Variants in KCNIP4 observed in about 807,000 individuals in gnomAD.
KCNIP4 encodes the protein Kv channel-interacting protein 4.
In KCNIP4, 12 loss-of-function variants were observed where a neutral mutation model predicts 34.0. The observed-to-expected ratio is 0.35, with a 90% CI of 0.23 to 0.57. KCNIP4 has a LOEUF of 0.57. Ranked by LOEUF, KCNIP4 falls within the 20% of genes least tolerant of loss-of-function variation. The pLI, the probability that KCNIP4 is intolerant of heterozygous loss-of-function variation, is 0.83. For synonymous variants in KCNIP4, 124 were observed against 102.2 expected (o/e 1.21, Z -1.29); for missense variants, 238 against 311.7 (o/e 0.76, Z 1.78).
intron 1 of KCNIP4, among the ~76,000 whole-genome samples, chr4:21,057,422 T>G (rs1003115597): frequency 6.6e-6 from 1 of 152,196 alleles, no homozygotes; most frequent in Admixed American, 6.6e-5. Context: ...GAAACCTTTG[T>G]TAGCCTAAAA....
chr4:20,979,589 A>G (rs1339155940), intron 1 of KCNIP4, among the ~76,000 whole-genome samples: 1 of 151,798 alleles, frequency 6.6e-6, no homozygotes, highest in Non-Finnish European at 1.5e-5. Context: ...TAGTAGAGAC[A>G]GGGTTTCACC....
chr4:21,935,376 A>G (rs577060784), intron 1 of KCNIP4, among the ~76,000 whole-genome samples: 1 of 151,996 alleles, frequency 6.6e-6, no homozygotes, highest in Admixed American at 6.6e-5. Context: ...ATGCCTACCC[A>G]CTACATAAAA....
chr4:21,479,812 T>C (rs1246658604), intron 1 of KCNIP4, among the ~76,000 whole-genome samples: 1 of 151,714 alleles, frequency 6.6e-6, no homozygotes, highest in Non-Finnish European at 1.5e-5. Context: ...ACTAGTAAAA[T>C]ATACAATAAA....
chr4:21,741,297 A>G (rs1449040519), intron 1 of KCNIP4, among the ~76,000 whole-genome samples: 1 of 152,184 alleles, frequency 6.6e-6, no homozygotes, highest in Non-Finnish European at 1.5e-5. Context: ...AAAGATAGAT[A>G]AACTCGAGAA....
chr4:21,555,923 A>G (rs1184909296), intron 1 of KCNIP4, among the ~76,000 whole-genome samples: 1 of 152,092 alleles, frequency 6.6e-6, no homozygotes, highest in Non-Finnish European at 1.5e-5. Context: ...ATGCTGTGCC[A>G]GCTGTGTCTG....
intron 1 of KCNIP4, among the ~76,000 whole-genome samples, chr4:21,380,876 T>C (rs1047785883): frequency 2.0e-5 from 3 of 151,598 alleles, no homozygotes; most frequent in Non-Finnish European, 2.9e-5. Context: ...GCTTGAAAAA[T>C]AGCCCATTTG....
At chr4:21,410,245 T>G (rs1372504747) in intron 1 of KCNIP4, among the ~76,000 whole-genome samples, 1 of 152,220 alleles carries the variant, frequency 6.6e-6, no homozygotes, top group Non-Finnish European at 1.5e-5. Context: ...GAAATTGTGA[T>G]TAAAGTTGTA....
At chr4:20,999,438 GTTTTT>G (rs56952036) in intron 1 of KCNIP4, among the ~76,000 whole-genome samples, 951 of 45,532 alleles carry the variant, frequency 0.021, 22 homozygotes, top group African/African-American at 0.08. Flanking sequence ...TTTGTTTTTT[GTTTTT>G]TTTTTTTTTT....
intron 1 of KCNIP4, among the ~76,000 whole-genome samples, chr4:21,041,230 TCACACACA>T (rs57664737): frequency 6.5e-4 from 94 of 144,754 alleles, no homozygotes; most frequent in African/African-American, 2.0e-3. Flanking sequence ...GATATATATT[TCACACACA>T]CACACACACA....
At position 20,917,466 on chromosome 4, in the gene KCNIP4, T is replaced by C. The variant is rs563465151; in HGVS notation, c.62-34757A>G. 2.0e-5 allele frequency among the ~76,000 whole-genome samples: 3 copies of C among 152,294 alleles called. No individual in the cohort carries two copies. The East Asian group carries it at 5.8e-4, about 30-fold the overall frequency. The stretch of plus-strand genomic sequence containing the variant: ...TAAACTGCTTCACCCTAAAATGGGA[T>C]AGCGAGCAAGACCAGACGTGGTCCT... On this transcript the variant is annotated intron_variant, in intron 1 of 8. Transcript: ENST00000382152.
At chr4:21,790,700 T>C (rs977305604) in intron 1 of KCNIP4, among the ~76,000 whole-genome samples, 5 of 152,126 alleles carry the variant, frequency 3.3e-5, no homozygotes, top group Admixed American at 6.5e-5. Flanking sequence ...TTCTGAAAGA[T>C]GCTTCAGCAT....
At chr4:21,792,000 CAAAAAAAAA>C (rs71193407) in intron 1 of KCNIP4, among the ~76,000 whole-genome samples, 8 of 59,752 alleles carry the variant, frequency 1.3e-4, no homozygotes, top group African/African-American at 5.3e-4. Flanking sequence ...GACTCCGTCT[CAAAAAAAAA>C]AAAAAAAAAA....
chr4:21,688,181 T>C (rs1191183318), intron 1 of KCNIP4, among the ~76,000 whole-genome samples: 2 of 152,142 alleles, frequency 1.3e-5, no homozygotes, highest in African/African-American at 4.8e-5. Flanking sequence ...GCTGGTTAAT[T>C]AAGTATTACC....
intron 5 of KCNIP4, among the ~76,000 whole-genome samples, chr4:20,744,875 T>C (rs765022637): frequency 7.9e-5 from 12 of 152,316 alleles, no homozygotes; most frequent in Middle Eastern, 3.4e-3. Flanking sequence ...CATTTGGTGC[T>C]CCATGATGTT....
At chr4:21,526,326 C>T (rs1206732578) in intron 1 of KCNIP4, among the ~76,000 whole-genome samples, 1 of 152,062 alleles carries the variant, frequency 6.6e-6, no homozygotes, top group Non-Finnish European at 1.5e-5. Flanking sequence ...TGCCTGCCGC[C>T]ATGTAAGATG....
chr4:20,983,592 TAG>T (rs895344593), intron 1 of KCNIP4, among the ~76,000 whole-genome samples: 74 of 152,274 alleles, frequency 4.9e-4, no homozygotes, highest in African/African-American at 1.6e-3. Flanking sequence ...TAAACCCAAG[TAG>T]ATTTCAAATA....
chr4:21,278,566 T>A (rs773310146), intron 1 of KCNIP4, among the ~76,000 whole-genome samples: 1 of 152,152 alleles, frequency 6.6e-6, no homozygotes, highest in Non-Finnish European at 1.5e-5. Flanking sequence ...GATGTATATG[T>A]AAAATAGCAG....
intron 1 of KCNIP4, among the ~76,000 whole-genome samples, chr4:21,825,943 G>A (rs1191730009): frequency 2.0e-5 from 3 of 152,038 alleles, no homozygotes; most frequent in Non-Finnish European, 4.4e-5. Flanking sequence ...GATGAGACCC[G>A]AATAAAAAGA....
At chr4:21,896,909 C>A (rs2109413046) in intron 1 of KCNIP4, among the ~76,000 whole-genome samples, 1 of 149,742 alleles carries the variant, frequency 6.7e-6, no homozygotes, top group East Asian at 2.0e-4. Context: ...ACAGAGTAAA[C>A]TCTCAAAAAA....
Sources: gnomAD v4.1 joint callset for allele counts (sites outside exome capture counted in the v4.1 genomes callset) on GRCh38, gnomAD v4.1.1 for gene constraint, MANE v1.5 for transcripts, NCBI Gene and HGNC (gene_info 2026-07-23, HGNC 2026-07-21) for gene names.